Variants in GPR176 observed in about 807,000 individuals in gnomAD.
GPR176 encodes the protein G protein-coupled receptor 176.
A neutral mutation model predicts 35.4 loss-of-function variants in GPR176; 26 were observed. That is an observed-to-expected ratio of 0.74 (90% confidence interval 0.54 to 1.02). GPR176 has a LOEUF of 1.02. Ranked by LOEUF, GPR176 falls within the 50% of genes least tolerant of loss-of-function variation. The probability of loss-of-function intolerance (pLI) is 0.00; values close to 1 mark genes in which losing one functional copy is unlikely to be tolerated. For synonymous variants in GPR176, 278 were observed against 271.3 expected, an observed-to-expected ratio of 1.02 and a Z score of -0.24; for missense variants, 597 against 665.3, an observed-to-expected ratio of 0.90 and a Z score of 1.13.
At chr15:39,870,233 C>A (rs992323531) in intron 1 of GPR176, among the ~76,000 whole-genome samples, 2 of 152,172 alleles carry the variant, frequency 1.3e-5, no homozygotes, top group Non-Finnish European at 2.9e-5. Flanking sequence ...AAGGCCCACC[C>A]AGATAATCCA....
At chr15:39,900,824 G>C (rs1025046077) in intron 1 of GPR176, among the ~76,000 whole-genome samples, 2 of 152,176 alleles carry the variant, frequency 1.3e-5, no homozygotes, top group African/African-American at 4.8e-5. Flanking sequence ...TTCTATCTTA[G>C]TGAAAGTTTT....
Position 39,801,963 on chromosome 15 carries a change from C to G in GPR176, c.717G>C (p.Lys239Asn), listed in dbSNP as rs1381090827. 6.2e-7 allele frequency: 1 copy of G among 1,613,998 alleles called. No homozygotes were observed. Among genetic ancestry groups the G allele is most frequent in the South Asian group, 1.1e-5 (1 of 91,082 alleles). The change falls in exon 3 of 3, where the codon AAG becomes AAC. Residue 239 changes from lysine to asparagine, a missense_variant. This residue lies in a region of GPR176 where 220 missense variants were observed against 297.6 expected (regional missense o/e 0.74). Coordinates refer to ENST00000561100, the MANE Select transcript of GPR176 (RefSeq NM_007223.3). ...GGGTCCGGAGCGCTGCTATGATGACCTTCTTCTTCTGGCTGGCACTCAGGG... is the reference window on the plus strand; with the variant it reads ...GGGTCCGGAGCGCTGCTATGATGACGTTCTTCTTCTGGCTGGCACTCAGGG... ...RRALSASQKK[K>N]VIIAALRTPQ...
At chr15:39,834,975 T>C (rs1452014645) in intron 1 of GPR176, among the ~76,000 whole-genome samples, 1 of 152,184 alleles carries the variant, frequency 6.6e-6, no homozygotes, top group Non-Finnish European at 1.5e-5. Context: ...GTATACCTCT[T>C]ACCCTAATGT....
At chr15:39,831,510 A>C (rs1003259514) in intron 1 of GPR176, among the ~76,000 whole-genome samples, 17 of 152,100 alleles carry the variant, frequency 1.1e-4, no homozygotes, top group African/African-American at 3.9e-4. Context: ...ACCTGCCCCC[A>C]AATGTTCCTG....
intron 1 of GPR176, among the ~76,000 whole-genome samples, chr15:39,887,722 T>C (rs1363447655): frequency 6.6e-6 from 1 of 152,162 alleles, no homozygotes; most frequent in Admixed American, 6.5e-5. Context: ...CACCTATTAG[T>C]AAGCCTGGCA....
At chr15:39,873,523 A>G (rs2032127119) in intron 1 of GPR176, among the ~76,000 whole-genome samples, 1 of 152,174 alleles carries the variant, frequency 6.6e-6, no homozygotes, top group Non-Finnish European at 1.5e-5. Context: ...GCTGCAGCAA[A>G]TGAAGAGCTA....
In GPR176 at chr15:39,807,174, G is replaced by A. The variant is rs1204644291; in HGVS notation, c.257C>T (p.Ser86Leu). 10 of 1,613,606 alleles carry A rather than the reference G, an allele frequency of 6.2e-6. No homozygotes were observed. The highest frequency in any genetic ancestry group is 3.3e-5 in the Admixed American group (2 of 59,942). ...ACAGACCAGGCTGGCACAAATCCCCGAGCAGGCCAGGTTTTTAATGAACCT... is the reference window on the plus strand; with the variant it reads ...ACAGACCAGGCTGGCACAAATCCCCAAGCAGGCCAGGTTTTTAATGAACCT... ...TNRFIKNLACSGICASLVCVP... is the reference protein window; with the variant it reads ...TNRFIKNLACLGICASLVCVP... Residue 86 changes from serine (S) to leucine (L), a missense_variant, in exon 2 of 3, where the codon TCG becomes TTG. Transcript: ENST00000561100.
chr15:39,864,857 C>T (rs2031761832), intron 1 of GPR176, among the ~76,000 whole-genome samples: 1 of 151,366 alleles, frequency 6.6e-6, no homozygotes, highest in African/African-American at 2.4e-5. Flanking sequence ...TCCCAATAAT[C>T]CCATTAAAAA....
At chr15:39,879,530 T>C (rs1295928297) in intron 1 of GPR176, among the ~76,000 whole-genome samples, 1 of 152,204 alleles carries the variant, frequency 6.6e-6, no homozygotes, top group African/African-American at 2.4e-5. Flanking sequence ...CTCATGCCCA[T>C]GCTGCTCAGA....
At chr15:39,840,398 C>T (rs1447537569) in intron 1 of GPR176, among the ~76,000 whole-genome samples, 2 of 152,086 alleles carry the variant, frequency 1.3e-5, no homozygotes, top group Non-Finnish European at 2.9e-5. Context: ...AACCAAACAC[C>T]GCATGTTCTC....
intron 1 of GPR176, chr15:39,909,742 T>C (rs1566970321): frequency 5.6e-6 from 1 of 177,180 alleles, no homozygotes; most frequent in Non-Finnish European, 1.1e-5. Context: ...AAGTTATTTC[T>C]CTTTTAATGC....
At chr15:39,883,820 T>G (rs975615470) in intron 1 of GPR176, among the ~76,000 whole-genome samples, 1 of 152,048 alleles carries the variant, frequency 6.6e-6, no homozygotes, top group Admixed American at 6.6e-5. Context: ...TCTATTTTTC[T>G]TACATATAAC....
At chr15:39,816,018 G>A (rs979041229) in intron 1 of GPR176, among the ~76,000 whole-genome samples, 5 of 152,166 alleles carry the variant, frequency 3.3e-5, no homozygotes, top group Admixed American at 1.3e-4. Context: ...ACCTGGAGGA[G>A]ATTATATTAC....
At chr15:39,840,097 A>T (rs935433656) in intron 1 of GPR176, among the ~76,000 whole-genome samples, 3 of 152,214 alleles carry the variant, frequency 2.0e-5, no homozygotes, top group African/African-American at 7.2e-5. Context: ...ATCTGGAACT[A>T]GAAATACCAT....
Position 39,801,525 on chromosome 15 carries a change from C to T in GPR176, c.1155G>A (p.Glu385=), listed in dbSNP as rs754116890. 5.0e-6 allele frequency: 8 copies of T among 1,614,090 alleles called. No individual in the cohort carries two copies. Among genetic ancestry groups the T allele is most frequent in the African/African-American group, 1.3e-5 (1 of 74,930 alleles). The change falls in exon 3 of 3, where the codon GAG becomes GAA. Residue 385 remains glutamate (E), a synonymous_variant. Coordinates refer to ENST00000561100, the MANE Select transcript of GPR176 (RefSeq NM_007223.3). The part of the protein sequence containing the change: ...IGQQQIFKPT[E]DEEESEAKYI... ...ACTTGGCCTCACTCTCTTCCTCATC[C>T]TCTGTGGGCTTAAAGATCTGCTGCT...
At chr15:39,842,693 G>A (rs909883021) in intron 1 of GPR176, among the ~76,000 whole-genome samples, 2 of 152,074 alleles carry the variant, frequency 1.3e-5, no homozygotes, top group African/African-American at 4.8e-5. Context: ...CACTGAATCT[G>A]CCTCTAAGAT....
chr15:39,917,564 G>T (rs2033759967), intron 1 of GPR176, among the ~76,000 whole-genome samples: 2 of 151,756 alleles, frequency 1.3e-5, no homozygotes, highest in South Asian at 4.2e-4. Flanking sequence ...TCAAACTCCT[G>T]ATCTCAAGCG....
chr15:39,863,116 G>A (rs2031677756), intron 1 of GPR176, among the ~76,000 whole-genome samples: 1 of 150,952 alleles, frequency 6.6e-6, no homozygotes, highest in Admixed American at 6.6e-5. Context: ...CAGAAGTGCA[G>A]TGGTGCGATC....
intron 1 of GPR176, among the ~76,000 whole-genome samples, chr15:39,879,906 T>G (rs927647564): frequency 1.3e-5 from 2 of 152,202 alleles, no homozygotes; most frequent in African/African-American, 4.8e-5. Context: ...TCTCATTTGC[T>G]AAAGATTTTA....
Sources: gnomAD v4.1 joint callset for allele counts (sites outside exome capture counted in the v4.1 genomes callset) on GRCh38, gnomAD v4.1.1 for gene constraint, gnomAD v4.1.1 regional missense constraint, MANE v1.5 for transcripts, NCBI Gene and HGNC (gene_info 2026-07-23, HGNC 2026-07-21) for gene names.